Variants in PTPRC observed in about 807,000 individuals in gnomAD.
PTPRC encodes the protein receptor-type tyrosine-protein phosphatase C.
In PTPRC, 44 loss-of-function variants were observed where a neutral mutation model predicts 155.9. That is an observed-to-expected ratio of 0.28 (90% CI 0.22 to 0.36). PTPRC has a LOEUF of 0.36. Among genes scored for constraint, PTPRC ranks in the 10% least tolerant of loss-of-function variants. The probability of loss-of-function intolerance (pLI) is 1.00; values close to 1 mark genes in which losing one functional copy is unlikely to be tolerated. For missense variants in PTPRC, 1,401 were observed against 1,564.6 expected (o/e 0.90, Z 1.76); for synonymous variants, 525 against 533.1 (o/e 0.98, Z 0.21).
chr1:198,649,422 G>GAAGT (rs1439288498), intron 2 of PTPRC, among the ~76,000 whole-genome samples: 4 of 151,970 alleles, frequency 2.6e-5, no homozygotes, highest in African/African-American at 9.6e-5. Context: ...TGACGGAAAG[G>GAAGT]AAGTGGTGAT....
At chr1:198,735,972 T>G (rs13376111) in intron 23 of PTPRC, among the ~76,000 whole-genome samples, 28,071 of 151,508 alleles carry the variant, frequency 0.19, 3,146 homozygotes, top group African/African-American at 0.29. Flanking sequence ...AATACCAAAT[T>G]GTACATTTTA....
chr1:198,752,103 A>G, intron 29 of PTPRC, 146 bp from the exon 30 acceptor site: 2 of 924,270 alleles, frequency 2.2e-6, no homozygotes, highest in Middle Eastern at 2.4e-4. Context: ...CTGGATTTTT[A>G]TAAGTAGGTT....
chr1:198,672,804 G>A (rs1664723460), intron 2 of PTPRC, among the ~76,000 whole-genome samples: 1 of 152,084 alleles, frequency 6.6e-6, no homozygotes, highest in Admixed American at 6.6e-5. Context: ...TATTCTAAAA[G>A]CATTTTACAG....
chr1:198,748,297 C>T (rs1460848685), intron 27 of PTPRC, 98 bp downstream of exon 27: 2 of 1,450,672 alleles, frequency 1.4e-6, no homozygotes, highest in Non-Finnish European at 1.8e-6. Flanking sequence ...TATCTTGAAG[C>T]AAGTTTTCAA....
At chr1:198,744,284 CT>C in intron 26 of PTPRC, 81 bp downstream of exon 26, 1 of 1,352,336 alleles carries the variant, frequency 7.4e-7, no homozygotes, top group South Asian at 1.2e-5. Flanking sequence ...TTGCTATGCA[CT>C]TGACATAGTG....
intron 3 of PTPRC, among the ~76,000 whole-genome samples, chr1:198,695,900 G>A (rs1339578905): frequency 6.6e-5 from 10 of 151,978 alleles, no homozygotes; most frequent in Non-Finnish European, 1.0e-4. Context: ...GGTGGCTCAC[G>A]CCTGTAATCC....
intron 2 of PTPRC, among the ~76,000 whole-genome samples, chr1:198,665,080 A>ATTTTTTTT (rs574626185): frequency 1.7e-5 from 1 of 59,564 alleles, no homozygotes. Flanking sequence ...TCCCGGCAGC[A>ATTTTTTTT]TTTTTTTTTT....
chr1:198,736,541 A>G (rs1223097516), intron 23 of PTPRC, among the ~76,000 whole-genome samples: 1 of 151,670 alleles, frequency 6.6e-6, no homozygotes, highest in East Asian at 1.9e-4. Context: ...TGGCTGAATA[A>G]TACTTCATTG....
In PTPRC at chr1:198,650,080, C is replaced by A. The variant is rs1663164005; in HGVS notation, c.73+10739C>A. Among the ~76,000 whole-genome samples, 3 of 151,674 alleles carry A rather than the reference C, an allele frequency of 2.0e-5. No individual in the cohort carries two copies. In the Admixed American group the frequency reaches 2.0e-4, roughly 10 times the overall value. On this transcript the variant is annotated intron_variant, in intron 2 of 32. Coordinates refer to ENST00000442510, the MANE Select transcript of PTPRC (RefSeq NM_002838.5). Reference sequence around the variant, plus strand: ...CAAGAGTAAAGGTTATCTGGCAAAACCAAACAAATTGGTAGGTTCGAGGCA... The same window carrying A: ...CAAGAGTAAAGGTTATCTGGCAAAAACAAACAAATTGGTAGGTTCGAGGCA...
chr1:198,715,675 C>G (rs923501710), intron 12 of PTPRC, among the ~76,000 whole-genome samples: 1 of 151,708 alleles, frequency 6.6e-6, no homozygotes, highest in African/African-American at 2.4e-5. Flanking sequence ...TGCTTAATCT[C>G]TCTGTGGCTC....
chr1:198,726,162 G>T (rs1401153944), intron 15 of PTPRC, among the ~76,000 whole-genome samples: 1 of 152,090 alleles, frequency 6.6e-6, no homozygotes, highest in Non-Finnish European at 1.5e-5. Flanking sequence ...GCAGTTTCTT[G>T]CAAAATCTTA....
chr1:198,670,637 T>TA (rs891558314), intron 2 of PTPRC, among the ~76,000 whole-genome samples: 42 of 151,988 alleles, frequency 2.8e-4, no homozygotes, highest in African/African-American at 8.9e-4. Flanking sequence ...AGTTAGCAGA[T>TA]AAAAAAAATA....
At chr1:198,687,185 G>A (rs981036312) in intron 2 of PTPRC, among the ~76,000 whole-genome samples, 1 of 152,092 alleles carries the variant, frequency 6.6e-6, no homozygotes, top group Non-Finnish European at 1.5e-5. Context: ...TAGAGACGAG[G>A]TTTTGCATGT....
intron 26 of PTPRC, among the ~76,000 whole-genome samples, chr1:198,746,816 G>A (rs1655155282): frequency 6.6e-6 from 1 of 151,788 alleles, no homozygotes; most frequent in Non-Finnish European, 1.5e-5. Flanking sequence ...AAGAGCACAA[G>A]GTGTTGTAAC....
chr1:198,706,642 A>G, intron 8 of PTPRC, 92 bp from the exon 9 acceptor site: 1 of 1,368,578 alleles, frequency 7.3e-7, no homozygotes, highest in Non-Finnish European at 1.0e-6. Flanking sequence ...TTTTGGGGAT[A>G]TTTGGTTAGT....
intron 2 of PTPRC, among the ~76,000 whole-genome samples, chr1:198,671,298 T>C (rs899909181): frequency 5.3e-5 from 8 of 152,058 alleles, no homozygotes; most frequent in Non-Finnish European, 1.2e-4. Flanking sequence ...GCTAAAGCAT[T>C]TATTATACTT....
chr1:198,667,818 T>C (rs748094463), intron 2 of PTPRC, among the ~76,000 whole-genome samples: 9 of 152,230 alleles, frequency 5.9e-5, no homozygotes, highest in Non-Finnish European at 1.3e-4. Flanking sequence ...ATGCAGTTGA[T>C]AGAATTTTAA....
rs1204940711 is a variant in PTPRC at position 198,734,321 on chromosome 1, C to A, written c.2180-7C>A. 1.2e-6 allele frequency: 2 copies of A among 1,610,730 alleles called. No individual in the cohort carries two copies. The highest frequency in any genetic ancestry group is 8.5e-7 in the Non-Finnish European group (1 of 1,177,734). On this transcript the variant is annotated splice_region_variant and splice_polypyrimidine_tract_variant and intron_variant, in intron 21 of 32. Coordinates refer to ENST00000442510, the MANE Select transcript of PTPRC (RefSeq NM_002838.5). ...TTCTTATCAGCTTTTATTTGTTTACCTCCTAGGTCCCAGGGATGAAACTGT... is the reference window on the plus strand; with the variant it reads ...TTCTTATCAGCTTTTATTTGTTTACATCCTAGGTCCCAGGGATGAAACTGT...
chr1:198,745,252 C>A (rs1655087276), intron 26 of PTPRC, among the ~76,000 whole-genome samples: 1 of 151,714 alleles, frequency 6.6e-6, no homozygotes, highest in Non-Finnish European at 1.5e-5. Context: ...GCACAAGAGT[C>A]AAAATGATCT....
Sources: gnomAD v4.1 joint callset for allele counts (sites outside exome capture counted in the v4.1 genomes callset) on GRCh38, gnomAD v4.1.1 for gene constraint, MANE v1.5 for transcripts, NCBI Gene and HGNC (gene_info 2026-07-23, HGNC 2026-07-21) for gene names.